Variants in NAA25 observed in about 807,000 individuals in gnomAD.
The protein encoded by NAA25 is N-terminal acetyltransferase B complex subunit NAA25.
NAA25 carries 30 observed loss-of-function variants against 132.5 expected under a neutral mutation model. That is an observed-to-expected ratio of 0.23 (90% CI 0.17 to 0.31). NAA25 has a LOEUF of 0.31. Ranked by LOEUF, NAA25 falls within the 10% of genes least tolerant of loss-of-function variation. The probability of loss-of-function intolerance (pLI) is 1.00; values close to 1 mark genes in which losing one functional copy is unlikely to be tolerated. For missense variants in NAA25, 771 were observed against 1,150.4 expected (o/e 0.67, Z 4.77); for synonymous variants, 359 against 401.9 (o/e 0.89, Z 1.28).
intron 1 of NAA25, among the ~76,000 whole-genome samples, chr12:112,096,783 G>A (rs2079218339): frequency 6.6e-6 from 1 of 152,182 alleles, no homozygotes; most frequent in Non-Finnish European, 1.5e-5. Context: ...ATAACTTGAT[G>A]CTGATCTCAT....
chr12:112,090,676 T>C (rs756999541), intron 3 of NAA25, 50 bp downstream of exon 3: 1 of 1,590,402 alleles, frequency 6.3e-7, no homozygotes, highest in East Asian at 2.2e-5. Flanking sequence ...GTCAGAAATA[T>C]CCAAAATTTT....
At chr12:112,030,982 T>TTCAA (rs1380689467) in intron 23 of NAA25, among the ~76,000 whole-genome samples, 1 of 151,906 alleles carries the variant, frequency 6.6e-6, no homozygotes, top group African/African-American at 2.4e-5. Flanking sequence ...ACTCACTAAG[T>TTCAA]GACCCAGGCT....
chr12:112,068,195 G>A (rs2078747544), intron 11 of NAA25, among the ~76,000 whole-genome samples: 2 of 152,190 alleles, frequency 1.3e-5, no homozygotes, highest in East Asian at 1.9e-4. Flanking sequence ...ACGTGCCACC[G>A]TACCTGGCTG....
At chr12:112,035,121 G>C (rs967709231) in intron 22 of NAA25, 1 of 152,166 alleles carries the variant, frequency 6.6e-6, no homozygotes, top group Non-Finnish European at 1.5e-5. Context: ...TTACTGACTG[G>C]TAAGTATATG....
intron 1 of NAA25, among the ~76,000 whole-genome samples, chr12:112,107,389 T>C (rs2079378495): frequency 6.6e-6 from 1 of 152,024 alleles, no homozygotes; most frequent in Non-Finnish European, 1.5e-5. Flanking sequence ...CTGTTTTTTT[T>C]TTTGTTGTTG....
chr12:112,107,691 T>A (rs1253219261), intron 1 of NAA25, among the ~76,000 whole-genome samples: 4 of 152,112 alleles, frequency 2.6e-5, no homozygotes, highest in African/African-American at 9.7e-5. Context: ...TCCAATTTAG[T>A]AACATCCACA....
At position 112,029,667 on chromosome 12, in the gene NAA25, G is replaced by A. The variant is rs781585006; in HGVS notation, c.2797-14C>T. On this transcript the variant is annotated splice_polypyrimidine_tract_variant and intron_variant, in intron 23 of 23. Coordinates refer to ENST00000261745, the MANE Select transcript of NAA25 (RefSeq NM_024953.4). ...TTTTCTCTCTTCCTATAAAGGAGGA[G>A]ACAAGAATAATTAGTCTTGTTTAAA... 1.9e-6 allele frequency: 3 copies of A among 1,608,806 alleles called. No homozygotes were observed. The highest frequency in any genetic ancestry group is 1.7e-5 in the Admixed American group (1 of 59,234).
At chr12:112,107,878 C>T (rs375116163) in intron 1 of NAA25, among the ~76,000 whole-genome samples, 6 of 152,194 alleles carry the variant, frequency 3.9e-5, no homozygotes, top group African/African-American at 1.4e-4. Flanking sequence ...AACTCAAAAT[C>T]TGTGATTTTT....
At chr12:112,090,208 A>C (rs2079111620) in intron 3 of NAA25, 1 of 152,160 alleles carries the variant, frequency 6.6e-6, no homozygotes, top group Admixed American at 6.6e-5. Context: ...ATGTTACATA[A>C]ACAAGATTAT....
intron 3 of NAA25, among the ~76,000 whole-genome samples, chr12:112,088,336 T>TTTC (rs1555239268): frequency 3.5e-5 from 5 of 144,812 alleles, no homozygotes; most frequent in African/African-American, 1.3e-4. Context: ...TTTTTTTTTT[T>TTTC]TTTTTTTGGA....
At chr12:112,093,255 G>A in intron 1 of NAA25, 119 bp from the exon 2 acceptor site, 1 of 624,656 alleles carries the variant, frequency 1.6e-6, no homozygotes, top group Admixed American at 2.7e-5. Context: ...AAAACATCAT[G>A]GAGGCCGGGC....
chr12:112,074,886 C>G, intron 8 of NAA25, 122 bp from the exon 9 acceptor site: 1 of 575,868 alleles, frequency 1.7e-6, no homozygotes, highest in Non-Finnish European at 3.1e-6. Flanking sequence ...GTTGGCTTAC[C>G]CCCACCCACT....
Position 112,104,753 on chromosome 12 carries a change from G to A in NAA25, c.58+3963C>T, listed in dbSNP as rs747529891. On this transcript the variant is annotated intron_variant, in intron 1 of 23. Transcript: ENST00000261745. ...CTGGAGGCTGAGGCAGGAGAATGGCGTGAACCCGGAAGGTGGAGCTTGCAG... is the reference window on the plus strand; with the variant it reads ...CTGGAGGCTGAGGCAGGAGAATGGCATGAACCCGGAAGGTGGAGCTTGCAG... 5.3e-5 allele frequency among the ~76,000 whole-genome samples: 8 copies of A among 151,680 alleles called. No individual in the cohort carries two copies. In the South Asian group the frequency reaches 1.5e-3, roughly 28 times the overall value.
At position 112,043,726 on chromosome 12, in the gene NAA25, C is replaced by T. The variant is rs1465963041; in HGVS notation, c.2149G>A (p.Glu717Lys). Residue 717 changes from glutamate to lysine, a missense_variant, in exon 18 of 24, where the codon GAG becomes AAG. Glu to Lys is a moderately conservative substitution (Grantham distance 56). This residue lies in a region of NAA25 where 324 missense variants were observed against 400.0 expected (regional missense o/e 0.81). Transcript: ENST00000261745. ...VEPKNSEKTA[E>K]NGVSSRIDIL... ...TCAATCCGGGAGGATACCCCATTCTCGGCAGTCTTCTCCGAGTTCTTTGGC... is the reference window on the plus strand; with the variant it reads ...TCAATCCGGGAGGATACCCCATTCTTGGCAGTCTTCTCCGAGTTCTTTGGC... 2 of 1,614,166 alleles carry T rather than the reference C, an allele frequency of 1.2e-6. No homozygotes were observed. Among genetic ancestry groups the T allele is most frequent in the South Asian group, 1.1e-5 (1 of 91,082 alleles).
intron 23 of NAA25, among the ~76,000 whole-genome samples, chr12:112,033,031 G>A (rs541464945): frequency 2.0e-5 from 3 of 152,282 alleles, no homozygotes; most frequent in African/African-American, 2.4e-5. Flanking sequence ...AAAGGAGGAC[G>A]TATGGGGAGA....
chr12:112,107,380 T>C (rs1478992994), intron 1 of NAA25, among the ~76,000 whole-genome samples: 1 of 151,364 alleles, frequency 6.6e-6, no homozygotes, highest in Non-Finnish European at 1.5e-5. Flanking sequence ...TTTCCTCATC[T>C]GTTTTTTTTT....
At chr12:112,036,798 G>A (rs1593745109) in intron 22 of NAA25, among the ~76,000 whole-genome samples, 2 of 149,826 alleles carry the variant, frequency 1.3e-5, no homozygotes, top group African/African-American at 2.5e-5. Context: ...TAGTGATTGC[G>A]CCATTGCACT....
chr12:112,106,118 T>C (rs2079358366), intron 1 of NAA25, among the ~76,000 whole-genome samples: 1 of 152,220 alleles, frequency 6.6e-6, no homozygotes, highest in South Asian at 2.1e-4. Flanking sequence ...TGCCAGTTTA[T>C]ACTAATCGCC....
chr12:112,034,953 AAC>A (rs2078204490), intron 22 of NAA25: 1 of 152,178 alleles, frequency 6.6e-6, no homozygotes, highest in African/African-American at 2.4e-5. Flanking sequence ...ATATTAATAT[AAC>A]AGTACAATAT....
Sources: gnomAD v4.1 joint callset for allele counts (sites outside exome capture counted in the v4.1 genomes callset) on GRCh38, gnomAD v4.1.1 for gene constraint, gnomAD v4.1.1 regional missense constraint, MANE v1.5 for transcripts, NCBI Gene and HGNC (gene_info 2026-07-23, HGNC 2026-07-21) for gene names.